The following SPATA7 variants were observed in gnomAD, a reference collection of about 807,000 sequenced individuals.
The protein encoded by SPATA7 is spermatogenesis-associated protein 7.
In SPATA7, 43 loss-of-function variants were observed where a neutral mutation model predicts 51.8. The ratio of observed to expected loss-of-function variants is 0.83; its 90% CI spans 0.65 to 1.07. SPATA7 has a LOEUF of 1.07. Among genes scored for constraint, SPATA7 ranks in the 50% least tolerant of loss-of-function variants. SPATA7 has a pLI of 0.00. For synonymous variants in SPATA7, 230 were observed against 252.8 expected (o/e 0.91, Z 0.86); for missense variants, 683 against 701.3 (o/e 0.97, Z 0.30).
intron 5 of SPATA7, among the ~76,000 whole-genome samples, chr14:88,425,118 A>G (rs1433333108): frequency 1.3e-5 from 2 of 152,138 alleles, no homozygotes; most frequent in Admixed American, 6.5e-5. Flanking sequence ...CAGTGTTTTT[A>G]TCTACAAAAT....
At chr14:88,460,109 TA>T (rs1429502757), downstream of SPATA7, among the ~76,000 whole-genome samples, 3 of 152,226 alleles carry the variant, frequency 2.0e-5, no homozygotes, top group Non-Finnish European at 4.4e-5. Context: ...CCTTTGTGGG[TA>T]ACCCGACCTT....
At chr14:88,431,850 A>G (rs568943440) in intron 9 of SPATA7, among the ~76,000 whole-genome samples, 34 of 152,094 alleles carry the variant, frequency 2.2e-4, no homozygotes, top group Non-Finnish European at 3.5e-4. Flanking sequence ...TTATCCATTC[A>G]TCTGTGAACA....
chr14:88,392,068 A>G (rs2075760838), intron 2 of SPATA7, among the ~76,000 whole-genome samples: 1 of 152,152 alleles, frequency 6.6e-6, no homozygotes, highest in African/African-American at 2.4e-5. Context: ...AATGTGGTGG[A>G]AGGATCTCAT....
At chr14:88,439,540 T>C (rs573326947), downstream of SPATA7, among the ~76,000 whole-genome samples, 1 of 152,204 alleles carries the variant, frequency 6.6e-6, no homozygotes, top group Non-Finnish European at 1.5e-5. Flanking sequence ...TTATAAGCTA[T>C]ATTTTAATTT....
chr14:88,415,141 A>T, intron 4 of SPATA7: 1 of 225,400 alleles, frequency 4.4e-6, no homozygotes, highest in South Asian at 5.7e-5. Flanking sequence ...GGTCTATCTA[A>T]CACTGCCAGT....
intron 4 of SPATA7, chr14:88,468,817 A>T: frequency 1.3e-6 from 2 of 1,491,952 alleles, no homozygotes; most frequent in Non-Finnish European, 1.9e-6. Context: ...ACCACAGTCC[A>T]AGGAAATGTG....
chr14:88,426,332 A>C lies in SPATA7; in HGVS notation c.473A>C (p.His158Pro). 6.2e-7 allele frequency: 1 copy of C among 1,614,072 alleles called. No individual in the cohort carries two copies. The change falls in exon 6 of 12, where the codon CAC becomes CCC. Residue 158 changes from histidine (H) to proline (P), a missense_variant. Transcript: ENST00000393545. ...CTAGTACCCTCTTCAGAGAGACTAC[A>C]CCTAAGTCTACATAAATCCAGTAAA... ...RSLVPSSERLHLSLHKSSKVI... is the reference protein window; with the variant it reads ...RSLVPSSERLPLSLHKSSKVI...
intron 10 of SPATA7, among the ~76,000 whole-genome samples, chr14:88,434,687 G>GAA (rs552414869): frequency 1.8e-5 from 1 of 56,900 alleles, no homozygotes; most frequent in Admixed American, 1.7e-4. Context: ...CTCTGTCTCA[G>GAA]AAAAAAAAAA....
At chr14:88,399,739 C>T (rs1286671653) in intron 4 of SPATA7, among the ~76,000 whole-genome samples, 1 of 152,084 alleles carries the variant, frequency 6.6e-6, no homozygotes, top group East Asian at 1.9e-4. Context: ...TCTCTAGAGA[C>T]AATGACAGCC....
chr14:88,430,135 G>A (rs1050411254), intron 8 of SPATA7, among the ~76,000 whole-genome samples: 12 of 151,984 alleles, frequency 7.9e-5, no homozygotes, highest in Admixed American at 4.6e-4. Flanking sequence ...ATGAAATGCC[G>A]GTGGAAGGGG....
At chr14:88,398,354 T>C (rs2075956672) in intron 4 of SPATA7, among the ~76,000 whole-genome samples, 1 of 151,636 alleles carries the variant, frequency 6.6e-6, no homozygotes, top group Non-Finnish European at 1.5e-5. Context: ...TTGGAAATCA[T>C]CATTCTCAGT....
chr14:88,388,358 A>G (rs1399245762), intron 1 of SPATA7, among the ~76,000 whole-genome samples: 1 of 152,210 alleles, frequency 6.6e-6, no homozygotes, highest in African/African-American at 2.4e-5. Context: ...TTGTGTAGGA[A>G]AATGGGCTGC....
chr14:88,454,901 C>T (rs1369253858), intron 3 of SPATA7, among the ~76,000 whole-genome samples: 2 of 152,180 alleles, frequency 1.3e-5, no homozygotes, highest in South Asian at 4.1e-4. Flanking sequence ...ATATATTAAA[C>T]GTCCATTGAT....
chr14:88,385,953 T>A (rs2075562743), intron 1 of SPATA7, 116 bp downstream of exon 1: 1 of 1,535,926 alleles, frequency 6.5e-7, no homozygotes, highest in Non-Finnish European at 8.8e-7. Flanking sequence ...TTCCTACCCC[T>A]GGCTGAGTCG....
intron 4 of SPATA7, among the ~76,000 whole-genome samples, chr14:88,465,083 T>G (rs2077347573): frequency 1.3e-5 from 2 of 152,202 alleles, no homozygotes; most frequent in South Asian, 4.1e-4. Flanking sequence ...GGTTTTAAAG[T>G]CTAAGTTCTA....
intron 10 of SPATA7, among the ~76,000 whole-genome samples, chr14:88,437,232 G>A (rs911247375): frequency 2.0e-5 from 3 of 151,316 alleles, no homozygotes; most frequent in African/African-American, 4.8e-5. Flanking sequence ...TGTAAATATC[G>A]GGGTAGAGAG....
chr14:88,426,609 A>G lies in SPATA7; in HGVS notation c.750A>G (p.Lys250=). 6.2e-7 allele frequency: 1 copy of G among 1,614,062 alleles called. No homozygotes were observed. Residue 250 remains lysine, a synonymous_variant, in exon 6 of 12, where the codon AAA becomes AAG. Transcript: ENST00000393545. ...FTPRTLKTEA[K]SFLSQYRYYT... ...CTCGCACTTTAAAAACAGAAGCAAA[A>G]TCTTTCCTGTCACAGTATCGCTATT...
At chr14:88,439,448 A>G (rs2077162385), downstream of SPATA7, among the ~76,000 whole-genome samples, 1 of 152,166 alleles carries the variant, frequency 6.6e-6, no homozygotes, top group African/African-American at 2.4e-5. Flanking sequence ...ACAATAATAT[A>G]ATTGAATATT....
intron 5 of SPATA7, among the ~76,000 whole-genome samples, chr14:88,422,298 C>A (rs2076667978): frequency 6.6e-6 from 1 of 151,968 alleles, no homozygotes; most frequent in Non-Finnish European, 1.5e-5. Flanking sequence ...AGCCCCAGGG[C>A]TATTATGTAG....
Sources: gnomAD v4.1 joint callset for allele counts (sites outside exome capture counted in the v4.1 genomes callset) on GRCh38, gnomAD v4.1.1 for gene constraint, MANE v1.5 for transcripts, NCBI Gene and HGNC (gene_info 2026-07-23, HGNC 2026-07-21) for gene names.